Variants in TBXAS1 observed in about 807,000 individuals in gnomAD.
The protein encoded by TBXAS1 is thromboxane A synthase 1, also known as thromboxane-A synthase.
A neutral mutation model predicts 60.7 loss-of-function variants in TBXAS1; 48 were observed. The ratio of observed to expected loss-of-function variants is 0.79; its 90% CI spans 0.63 to 1.01. The LOEUF is 1.01. Ranked by LOEUF, TBXAS1 falls within the 50% of genes least tolerant of loss-of-function variation. The pLI is 0.00. For missense variants in TBXAS1, 685 were observed against 686.3 expected (o/e 1.00, Z 0.02); for synonymous variants, 287 against 269.7 (o/e 1.06, Z -0.63).
At chr7:139,996,542 T>G (rs1813308303) in intron 9 of TBXAS1, among the ~76,000 whole-genome samples, 1 of 152,206 alleles carries the variant, frequency 6.6e-6, no homozygotes, top group South Asian at 2.1e-4. Context: ...AAAGCTGATC[T>G]CCTTCCCCTG....
At chr7:139,924,001 T>C (rs1806691685) in intron 4 of TBXAS1, among the ~76,000 whole-genome samples, 1 of 152,230 alleles carries the variant, frequency 6.6e-6, no homozygotes, top group Admixed American at 6.5e-5. Flanking sequence ...TGAATTGTAC[T>C]CCCATTGTAT....
intron 3 of TBXAS1, among the ~76,000 whole-genome samples, chr7:139,907,376 C>A (rs1805187784): frequency 6.6e-6 from 1 of 152,040 alleles, no homozygotes; most frequent in South Asian, 2.1e-4. Context: ...AGAATAAATA[C>A]CACTTGGTTT....
At position 139,847,343 on chromosome 7, in the gene TBXAS1, T is replaced by TC. The variant is rs1195786746; in HGVS notation, c.89+17865dup. Among the ~76,000 whole-genome samples, 321 of 152,276 alleles carry TC rather than the reference T, an allele frequency of 2.1e-3. 1 individual carries two copies. The highest frequency in any genetic ancestry group is 7.5e-3 in the African/African-American group (312 of 41,564). On this transcript the variant is annotated intron_variant, in intron 1 of 12. Coordinates refer to ENST00000448866, the MANE Select transcript of TBXAS1 (RefSeq NM_001061.7). ...TGAAGTATCAATGAGGCATAGCACATCAGTAAATAAGCCCCGCTAAGCCAT... is the reference window on the plus strand; with the variant it reads ...TGAAGTATCAATGAGGCATAGCACATCCAGTAAATAAGCCCCGCTAAGCCAT...
At chr7:139,829,622 T>A in intron 1 of TBXAS1, 143 bp downstream of exon 1, 1 of 787,222 alleles carries the variant, frequency 1.3e-6, no homozygotes, top group Non-Finnish European at 2.1e-6. Flanking sequence ...GCTTCAGAAT[T>A]AAAAGCAAAC....
intron 1 of TBXAS1, among the ~76,000 whole-genome samples, chr7:139,869,818 A>T (rs1299558302): frequency 6.6e-6 from 1 of 152,188 alleles, no homozygotes; most frequent in South Asian, 2.1e-4. Flanking sequence ...ACCCATTACA[A>T]CTGGGGTTCA....
At chr7:139,965,442 T>C (rs1028609063) in intron 9 of TBXAS1, among the ~76,000 whole-genome samples, 1 of 152,170 alleles carries the variant, frequency 6.6e-6, no homozygotes, top group African/African-American at 2.4e-5. Flanking sequence ...TTTTATTTTA[T>C]TTTATTTTTT....
In TBXAS1 at chr7:140,012,674, G is replaced by C. The variant is rs188857455; in HGVS notation, c.1227-3049G>C. ...GGGTTTCACCATGTTGGCCAGGCTG[G>C]TCTCCAGCTCCTGACCTCAGGTGAT... On this transcript the variant is annotated intron_variant, in intron 10 of 12. Coordinates refer to ENST00000448866, the MANE Select transcript of TBXAS1 (RefSeq NM_001061.7). Among the ~76,000 whole-genome samples, 512 of 152,030 alleles carry C rather than the reference G, an allele frequency of 3.4e-3. 3 individuals are homozygous for C. Among genetic ancestry groups the C allele is most frequent in the African/African-American group, 0.012 (503 of 41,458 alleles).
intron 2 of TBXAS1, among the ~76,000 whole-genome samples, chr7:139,872,541 C>G (rs566840794): frequency 6.6e-6 from 1 of 152,176 alleles, no homozygotes; most frequent in Non-Finnish European, 1.5e-5. Context: ...GTAATCCCAG[C>G]TACTTGGGAG....
chr7:139,807,588 T>C (rs142576640), intron 4 of TBXAS1, among the ~76,000 whole-genome samples: 9,680 of 152,192 alleles, frequency 0.064, 1,034 homozygotes, highest in African/African-American at 0.22. Flanking sequence ...TTTCACCATG[T>C]TGGCCAGGAT....
chr7:139,957,356 G>A (rs1809945552), intron 7 of TBXAS1, among the ~76,000 whole-genome samples: 2 of 152,186 alleles, frequency 1.3e-5, no homozygotes, highest in African/African-American at 4.8e-5. Flanking sequence ...ATTAATTTAT[G>A]AGGGTGACCT....
At chr7:139,864,163 A>G (rs1357938782) in intron 1 of TBXAS1, among the ~76,000 whole-genome samples, 1 of 152,168 alleles carries the variant, frequency 6.6e-6, no homozygotes, top group Non-Finnish European at 1.5e-5. Flanking sequence ...AATTATCAGC[A>G]TAGGAAATCA....
chr7:139,858,614 C>T (rs190313156), intron 1 of TBXAS1, among the ~76,000 whole-genome samples: 1 of 152,328 alleles, frequency 6.6e-6, no homozygotes, highest in East Asian at 1.9e-4. Context: ...CTGCAGCATC[C>T]TGGTACCCGG....
At chr7:139,879,109 C>T (rs1569506429) in intron 3 of TBXAS1, among the ~76,000 whole-genome samples, 1 of 152,224 alleles carries the variant, frequency 6.6e-6, no homozygotes, top group Non-Finnish European at 1.5e-5. Flanking sequence ...CCACTCCCTA[C>T]CATGGGGACA....
Position 139,867,595 on chromosome 7 carries a change from C to T in TBXAS1, c.90-4640C>T, listed in dbSNP as rs1223271447. Among the ~76,000 whole-genome samples, 6 of 152,226 alleles carry T rather than the reference C, an allele frequency of 3.9e-5. No homozygotes were observed. The South Asian group carries it at 6.2e-4, about 16-fold the overall frequency. The stretch of plus-strand genomic sequence containing the variant: ...CCACACTTTGGAAGGCCAAGGCAGG[C>T]GGATCGCCTGAGGTCAGGAGTTCAA... On this transcript the variant is annotated intron_variant, in intron 1 of 12. Coordinates refer to ENST00000448866, the MANE Select transcript of TBXAS1 (RefSeq NM_001061.7).
chr7:139,889,406 G>A (rs1006318699), intron 3 of TBXAS1, among the ~76,000 whole-genome samples: 1 of 152,140 alleles, frequency 6.6e-6, no homozygotes, highest in Non-Finnish European at 1.5e-5. Flanking sequence ...TAATCACTGA[G>A]GCTGACTTCA....
rs150107249 is a variant in TBXAS1 at position 139,948,093 on chromosome 7, G to A, written c.451-5275G>A. Reference sequence around the variant, plus strand: ...TTGACCAGGCTAGTCTTGAACTCCTGACATCAAGTGATCCACCTGCCTTGG... The same window carrying A: ...TTGACCAGGCTAGTCTTGAACTCCTAACATCAAGTGATCCACCTGCCTTGG... On this transcript the variant is annotated intron_variant, in intron 5 of 12. Coordinates refer to ENST00000448866, the MANE Select transcript of TBXAS1 (RefSeq NM_001061.7). 3.4e-3 allele frequency among the ~76,000 whole-genome samples: 522 copies of A among 152,236 alleles called. 4 individuals are homozygous for A. Among genetic ancestry groups the A allele is most frequent in the African/African-American group, 0.012 (504 of 41,536 alleles).
At chr7:139,945,020 G>A (rs1344004553) in intron 5 of TBXAS1, among the ~76,000 whole-genome samples, 1 of 152,206 alleles carries the variant, frequency 6.6e-6, no homozygotes, top group Non-Finnish European at 1.5e-5. Flanking sequence ...AACAAGCCAG[G>A]AGTCAGGATA....
At chr7:139,936,794 A>G (rs1807831965) in intron 5 of TBXAS1, among the ~76,000 whole-genome samples, 1 of 152,238 alleles carries the variant, frequency 6.6e-6, no homozygotes, top group East Asian at 1.9e-4. Flanking sequence ...AGAGAACAGC[A>G]TGAAACAAAG....
chr7:140,007,494 T>G (rs1256728118), intron 10 of TBXAS1, among the ~76,000 whole-genome samples: 1 of 152,172 alleles, frequency 6.6e-6, no homozygotes, highest in Non-Finnish European at 1.5e-5. Context: ...CATTCATTCA[T>G]TCATTCGTTC....
Sources: allele counts gnomAD v4.1 joint callset (sites outside exome capture counted in the v4.1 genomes callset), GRCh38; gene constraint gnomAD v4.1.1; transcripts MANE v1.5; gene names NCBI Gene and HGNC (gene_info 2026-07-23, HGNC 2026-07-21).